The following ARID5B variants were observed in gnomAD, a reference collection of about 807,000 sequenced individuals.
The protein encoded by ARID5B is AT-rich interaction domain 5B, also known as AT-rich interactive domain-containing protein 5B.
ARID5B carries 13 observed loss-of-function variants against 97.2 expected under a neutral mutation model. The observed-to-expected ratio is 0.13, with a 90% CI of 0.09 to 0.21. The LOEUF (loss-of-function observed/expected upper bound fraction) is 0.21. Ranked by LOEUF, ARID5B falls within the 10% of genes least tolerant of loss-of-function variation. The pLI is 1.00. For missense variants in ARID5B, 1,210 were observed against 1,465.3 expected (o/e 0.83, Z 2.84); for synonymous variants, 556 against 570.3 (o/e 0.97, Z 0.36).
Position 62,069,748 on chromosome 10 carries a change from A to T in ARID5B, c.1150A>T (p.Asn384Tyr). Residue 384 changes from asparagine to tyrosine, a missense_variant, in exon 8 of 10, where the codon AAT becomes TAT. Asn to Tyr is a moderately radical substitution (Grantham distance 143, BLOSUM62 -2). Around this residue, in one of 8 missense-constraint regions of ARID5B, gnomAD observed 59 missense variants for 156.7 expected, o/e 0.38. Coordinates refer to ENST00000279873, the MANE Select transcript of ARID5B (RefSeq NM_032199.3). The stretch of plus-strand genomic sequence containing the variant: ...ACATATTTATGATGAATTAGGCGGT[A>T]ATCCTGGGAGCACCAGCGCTGCCAC... Reference protein sequence around the residue: ...WKHIYDELGGNPGSTSAATCT... With the variant: ...WKHIYDELGGYPGSTSAATCT... The T allele has an allele frequency of 6.2e-7, 1 of 1,614,146 alleles. No individual in the cohort carries two copies. The highest frequency in any genetic ancestry group is 8.5e-7 in the Non-Finnish European group (1 of 1,179,990).
chr10:62,089,635 C>G (rs781428086), intron 9 of ARID5B, among the ~76,000 whole-genome samples: 1 of 150,072 alleles, frequency 6.7e-6, no homozygotes, highest in Non-Finnish European at 1.5e-5. Flanking sequence ...TCAAGCGATT[C>G]TCCTGCCTCA....
chr10:62,014,068 A>T lies in ARID5B; in HGVS notation c.733+13747A>T, dbSNP rs191445193. Among the ~76,000 whole-genome samples the T allele has an allele frequency of 2.0e-5, 3 of 152,226 alleles. No individual in the cohort carries two copies. The East Asian group carries it at 5.8e-4, about 29-fold the overall frequency. ...TGAATAGTGCTGCAGTGAACATGGG[A>T]GTGCAGATATCTCTTCGACATATTG... On this transcript the variant is annotated intron_variant, in intron 4 of 9. Transcript: ENST00000279873.
chr10:61,911,192 G>C (rs774225069), intron 2 of ARID5B, among the ~76,000 whole-genome samples: 2 of 152,190 alleles, frequency 1.3e-5, no homozygotes, highest in African/African-American at 2.4e-5. Flanking sequence ...GTGCAAGCTG[G>C]AAAATAAAAA....
chr10:61,962,984 C>A (rs985702469), intron 3 of ARID5B, among the ~76,000 whole-genome samples: 1 of 151,980 alleles, frequency 6.6e-6, no homozygotes, highest in African/African-American at 2.4e-5. Context: ...TGTTCGCAGC[C>A]CTACAGTTGT....
Position 62,035,239 on chromosome 10 carries a change from A to T in ARID5B, c.734-15649A>T, listed in dbSNP as rs536599067. On this transcript the variant is annotated intron_variant, in intron 4 of 9. Coordinates refer to ENST00000279873, the MANE Select transcript of ARID5B (RefSeq NM_032199.3). ...AGCGGCATTTATGTTCTCCAGTGGG[A>T]TGAGCAGTCAGTGCAGTTTAACAAA... Among the ~76,000 whole-genome samples, 3 of 152,344 alleles carry T rather than the reference A, an allele frequency of 2.0e-5. No individual in the cohort carries two copies. In the East Asian group the frequency reaches 5.8e-4, roughly 29 times the overall value.
Position 61,981,856 on chromosome 10 carries a change from C to T in ARID5B, c.503-18235C>T, listed in dbSNP as rs975701482. ...CATTAAGCAGAAAAGAAACACCTCA[C>T]CTAGGTGTTACTAAATTCCATTATC... On this transcript the variant is annotated intron_variant, in intron 3 of 9. Coordinates refer to ENST00000279873, the MANE Select transcript of ARID5B (RefSeq NM_032199.3). 6.6e-5 allele frequency among the ~76,000 whole-genome samples: 10 copies of T among 152,162 alleles called. 2 individuals are homozygous for T. Among genetic ancestry groups the T allele is most frequent in the Admixed American group, 5.2e-4 (8 of 15,276 alleles).
intron 3 of ARID5B, among the ~76,000 whole-genome samples, chr10:61,985,047 G>A (rs1459600871): frequency 6.6e-6 from 1 of 151,952 alleles, no homozygotes; most frequent in Non-Finnish European, 1.5e-5. Context: ...TGACTGACAG[G>A]CTGGAAAGAT....
intron 5 of ARID5B, among the ~76,000 whole-genome samples, chr10:62,055,826 C>G (rs747117617): frequency 2.6e-5 from 4 of 152,140 alleles, no homozygotes; most frequent in Non-Finnish European, 2.9e-5. Flanking sequence ...AATGTACTTT[C>G]CTTTACTAAA....
chr10:61,968,834 G>A (rs1838584024), intron 3 of ARID5B, among the ~76,000 whole-genome samples: 1 of 152,136 alleles, frequency 6.6e-6, no homozygotes, highest in Non-Finnish European at 1.5e-5. Context: ...CAGGACCTAA[G>A]AGAAACTGCT....
At chr10:61,938,511 G>C (rs1333589800) in intron 2 of ARID5B, among the ~76,000 whole-genome samples, 1 of 152,106 alleles carries the variant, frequency 6.6e-6, no homozygotes, top group Admixed American at 6.6e-5. Context: ...ACTTTATTCT[G>C]ACATTTAATA....
At chr10:61,997,386 G>C (rs1364404498) in intron 3 of ARID5B, among the ~76,000 whole-genome samples, 1 of 150,992 alleles carries the variant, frequency 6.6e-6, no homozygotes, top group Non-Finnish European at 1.5e-5. Context: ...AAAATGGTTA[G>C]AGAAAAAAAA....
chr10:62,070,084 T>C (rs1840043704), intron 8 of ARID5B, among the ~76,000 whole-genome samples: 2 of 151,954 alleles, frequency 1.3e-5, no homozygotes, highest in South Asian at 4.1e-4. Flanking sequence ...GGATGTTCTC[T>C]TTAGGCTCTC....
intron 3 of ARID5B, among the ~76,000 whole-genome samples, chr10:61,964,142 A>C (rs1309059175): frequency 6.6e-6 from 1 of 152,094 alleles, no homozygotes; most frequent in African/African-American, 2.4e-5. Flanking sequence ...GTCTAAATGG[A>C]CACAAACCTC....
intron 3 of ARID5B, among the ~76,000 whole-genome samples, chr10:61,963,045 A>G (rs958013472): frequency 1.3e-5 from 2 of 152,102 alleles, no homozygotes; most frequent in Non-Finnish European, 2.9e-5. Flanking sequence ...CAAAATGTGC[A>G]ACTCTACCAA....
chr10:62,042,679 A>G (rs958982742), intron 4 of ARID5B, among the ~76,000 whole-genome samples: 4 of 152,158 alleles, frequency 2.6e-5, no homozygotes, highest in African/African-American at 9.7e-5. Flanking sequence ...TGGGAGGACG[A>G]GGCGGTTGGA....
chr10:62,092,934 T>C lies in ARID5B; in HGVS notation c.3471T>C (p.Leu1157=). ...ATPVGSSYGD[L]LHNSIYPLAA... The stretch of plus-strand genomic sequence containing the variant: ...CTGTAGGAAGTTCATATGGGGACCT[T>C]TTGCATAACAGCATTTACCCTTTAG... The change falls in exon 10 of 10, where the codon CTT becomes CTC. Residue 1157 remains leucine (L), a synonymous_variant. Transcript: ENST00000279873. 1 of 1,614,178 alleles carries C rather than the reference T, an allele frequency of 6.2e-7. No individual in the cohort carries two copies. The highest frequency in any genetic ancestry group is 8.5e-7 in the Non-Finnish European group (1 of 1,180,038).
rs549144305 is a variant in ARID5B at position 62,062,188 on chromosome 10, G to A, written c.1101+2893G>A. Among the ~76,000 whole-genome samples the A allele has an allele frequency of 2.0e-5, 3 of 152,328 alleles. No homozygotes were observed. The South Asian group carries it at 6.2e-4, about 32-fold the overall frequency. ...AGGAGATGTACAAATAATATCCAAA[G>A]TCTGAAGGCTTAAGCTGTCATCACA... On this transcript the variant is annotated intron_variant, in intron 7 of 9. Coordinates refer to ENST00000279873, the MANE Select transcript of ARID5B (RefSeq NM_032199.3).
At chr10:61,985,765 G>C (rs951780245) in intron 3 of ARID5B, among the ~76,000 whole-genome samples, 1 of 152,094 alleles carries the variant, frequency 6.6e-6, no homozygotes, top group Non-Finnish European at 1.5e-5. Context: ...GTGGATCTTT[G>C]TCCCGGGATC....
chr10:62,012,759 T>C (rs1267307509), intron 4 of ARID5B, among the ~76,000 whole-genome samples: 1 of 152,234 alleles, frequency 6.6e-6, no homozygotes, highest in Non-Finnish European at 1.5e-5. Context: ...CAATTTCATA[T>C]GTTAAATTTC....
Sources: allele counts gnomAD v4.1 joint callset (sites outside exome capture counted in the v4.1 genomes callset), GRCh38; gene constraint gnomAD v4.1.1; regional missense constraint gnomAD v4.1.1; transcripts MANE v1.5; gene names NCBI Gene and HGNC (gene_info 2026-07-23, HGNC 2026-07-21).